The following PDE9A variants were observed in gnomAD, a reference collection of about 807,000 sequenced individuals.
The protein encoded by PDE9A is phosphodiesterase 9A, also known as high affinity cGMP-specific 3',5'-cyclic phosphodiesterase 9A.
Under a neutral mutation model 87.4 loss-of-function variants are expected in PDE9A, and 60 were observed. The observed-to-expected ratio is 0.69, with a 90% CI of 0.56 to 0.85. The LOEUF is 0.85. Among genes scored for constraint, PDE9A ranks in the 40% least tolerant of loss-of-function variants. The pLI, the probability that PDE9A is intolerant of heterozygous loss-of-function variation, is 0.00. For missense variants in PDE9A, 665 were observed against 779.0 expected (o/e 0.85, Z 1.74); for synonymous variants, 272 against 279.4 (o/e 0.97, Z 0.27).
At chr21:42,761,362 G>T (rs1403553845) in intron 13 of PDE9A, among the ~76,000 whole-genome samples, 1 of 152,248 alleles carries the variant, frequency 6.6e-6, no homozygotes, top group East Asian at 1.9e-4. Flanking sequence ...GGAGAAGAGG[G>T]ACTGCAGAGG....
rs572475990 is a variant in PDE9A, at chr21:42,716,001, A to T, written c.263-15769A>T. Among the ~76,000 whole-genome samples the T allele has an allele frequency of 4.6e-5, 7 of 151,970 alleles. No homozygotes were observed. The South Asian group carries it at 1.1e-3, about 23-fold the overall frequency. On this transcript the variant is annotated intron_variant, in intron 4 of 19. Transcript: ENST00000291539. Reference sequence around the variant, plus strand: ...ATGTCACATAGTTGGAGTCATACAGAATAAAGCCTCTTCAGGTTTTCTTTC... The same window carrying T: ...ATGTCACATAGTTGGAGTCATACAGTATAAAGCCTCTTCAGGTTTTCTTTC...
intron 1 of PDE9A, among the ~76,000 whole-genome samples, chr21:42,685,917 T>A (rs2146170052): frequency 6.6e-6 from 1 of 152,304 alleles, no homozygotes; most frequent in South Asian, 2.1e-4. Flanking sequence ...GGATGCGCCT[T>A]CACCATAACC....
chr21:42,667,347 G>A (rs1228659989), intron 1 of PDE9A, among the ~76,000 whole-genome samples: 1 of 152,188 alleles, frequency 6.6e-6, no homozygotes, highest in African/African-American at 2.4e-5. Context: ...AGGGAACAGG[G>A]TGCTGACGTG....
intron 1 of PDE9A, among the ~76,000 whole-genome samples, chr21:42,655,055 A>C (rs1004237543): frequency 1.3e-5 from 2 of 152,154 alleles, no homozygotes; most frequent in African/African-American, 4.8e-5. Context: ...TTCTCCCCAA[A>C]GGAAGGAGTG....
rs1042168011 is a variant in PDE9A at position 42,759,314 on chromosome 21, T to G, written c.897+229T>G. The stretch of plus-strand genomic sequence containing the variant: ...TACTCCTGCTCTGATAAGCAAGGAG[T>G]AGCTTATCAGTGAGACTCTGCCATC... On this transcript the variant is annotated intron_variant, in intron 11 of 19. Transcript: ENST00000291539. This position sits in a 1 kb window ranked among gnomAD's most constrained non-coding sequence, Gnocchi z 7.2. Among the ~76,000 whole-genome samples, 6 of 151,782 alleles carry G rather than the reference T, an allele frequency of 4.0e-5. No homozygotes were observed. The highest frequency in any genetic ancestry group is 3.9e-4 in the Admixed American group (6 of 15,246).
At chr21:42,734,178 C>G (rs2052137876) in intron 7 of PDE9A, 1 of 152,078 alleles carries the variant, frequency 6.6e-6, no homozygotes, top group African/African-American at 2.4e-5. Context: ...TCAGGTATCT[C>G]TTTATAGCAA....
At chr21:42,770,644 G>A (rs903303278) in intron 17 of PDE9A, 59 bp from the exon 18 acceptor site, 34 of 1,360,164 alleles carry the variant, frequency 2.5e-5, no homozygotes, top group Non-Finnish European at 3.2e-5. Flanking sequence ...GTTTTTCTCC[G>A]ACGTTTCCCA....
intron 4 of PDE9A, among the ~76,000 whole-genome samples, chr21:42,725,046 G>A (rs528702414): frequency 6.6e-6 from 1 of 152,266 alleles, no homozygotes; most frequent in East Asian, 1.9e-4. Flanking sequence ...GTTTCTCCCA[G>A]TGGTGACATC....
intron 4 of PDE9A, among the ~76,000 whole-genome samples, chr21:42,718,571 G>GT (rs942190082): frequency 3.3e-5 from 5 of 150,816 alleles, no homozygotes; most frequent in East Asian, 1.9e-4. Flanking sequence ...GATCCATGAA[G>GT]TTTTTTTTTG....
chr21:42,700,240 C>T (rs1001551495), intron 4 of PDE9A, among the ~76,000 whole-genome samples: 1 of 152,260 alleles, frequency 6.6e-6, no homozygotes, highest in East Asian at 1.9e-4. Context: ...TACCACAGGG[C>T]GTCTTCCATT....
chr21:42,749,378 A>G (rs1272293549), intron 8 of PDE9A, among the ~76,000 whole-genome samples: 4 of 152,110 alleles, frequency 2.6e-5, no homozygotes, highest in African/African-American at 9.7e-5. Flanking sequence ...CTTCCAAGCA[A>G]GTTCACACCC....
At chr21:42,684,582 A>G (rs1019119492) in intron 1 of PDE9A, among the ~76,000 whole-genome samples, 4 of 152,228 alleles carry the variant, frequency 2.6e-5, no homozygotes, top group Admixed American at 2.6e-4. Flanking sequence ...GAACCAGGAC[A>G]CAGGAGGAGA....
intron 7 of PDE9A, 55 bp from the exon 8 acceptor site, chr21:42,743,721 G>A: frequency 8.7e-7 from 1 of 1,144,986 alleles, no homozygotes; most frequent in South Asian, 1.3e-5. Flanking sequence ...AGCCTTGAGA[G>A]ATCCTCCACA....
At position 42,760,145 on chromosome 21, in the gene PDE9A, G is replaced by A. The variant is rs1045779679; in HGVS notation, c.898-183G>A. Among the ~76,000 whole-genome samples the A allele has an allele frequency of 6.6e-5, 10 of 152,100 alleles. No homozygotes were observed. The highest frequency in any genetic ancestry group is 2.1e-4 in the South Asian group (1 of 4,834). On this transcript the variant is annotated intron_variant, in intron 11 of 19. Coordinates refer to ENST00000291539, the MANE Select transcript of PDE9A (RefSeq NM_002606.3). The surrounding 1 kb of genome is among the most constrained non-coding windows in gnomAD (Gnocchi z 5.2). Reference sequence around the variant, plus strand: ...GGTGCCGTGGTGTGGCCCGCTGGACGTTCTCAGGGTCCCTGTGTCACCTCA... The same window carrying A: ...GGTGCCGTGGTGTGGCCCGCTGGACATTCTCAGGGTCCCTGTGTCACCTCA...
intron 8 of PDE9A, among the ~76,000 whole-genome samples, chr21:42,749,864 G>A (rs758562659): frequency 1.2e-4 from 18 of 152,248 alleles, no homozygotes; most frequent in South Asian, 2.1e-4. Flanking sequence ...GGGGCTGGGC[G>A]CAGTGGCTCA....
chr21:42,716,007 G>T (rs183451326), intron 4 of PDE9A, among the ~76,000 whole-genome samples: 70 of 151,784 alleles, frequency 4.6e-4, no homozygotes, highest in Middle Eastern at 3.4e-3. Flanking sequence ...ACAGAATAAA[G>T]CCTCTTCAGG....
intron 1 of PDE9A, among the ~76,000 whole-genome samples, chr21:42,663,301 A>G (rs897693096): frequency 1.3e-5 from 2 of 150,310 alleles, no homozygotes; most frequent in African/African-American, 4.9e-5. Flanking sequence ...TCACACACAT[A>G]CATACACACC....
rs2056752215 is a variant in PDE9A at position 42,769,485 on chromosome 21, TGCACACAAGGCAC to T, written c.1590+334_1590+346del. Among the ~76,000 whole-genome samples, 10 of 8,414 alleles carry T rather than the reference TGCACACAAGGCAC, an allele frequency of 1.2e-3. No individual in the cohort carries two copies. In the South Asian group the frequency reaches 0.03, roughly 25 times the overall value. The allele number at this position is 8,414 out of a possible 152,430, so 5.5% of individuals were successfully genotyped here. A position where few individuals can be genotyped will look rare whatever the true frequency, so the allele number is the denominator to read the frequency against. ...ACACAAATGTGCATGCAGGTACACATGCACACAAGGCACGCAGGTACACATGCACACAAGGCAC... is the reference window on the plus strand; with the variant it reads ...ACACAAATGTGCATGCAGGTACACATGCAGGTACACATGCACACAAGGCAC... On this transcript the variant is annotated intron_variant, in intron 17 of 19. Transcript: ENST00000291539.
rs1289046622 is a variant in PDE9A at position 42,722,858 on chromosome 21, T to C, written c.263-8912T>C. The stretch of plus-strand genomic sequence containing the variant: ...TAGCAATCAGTGAAATCAAATTTCA[T>C]GTCATTCTGCACTGGGTAGACTCAG... On this transcript the variant is annotated intron_variant, in intron 4 of 19. Coordinates refer to ENST00000291539, the MANE Select transcript of PDE9A (RefSeq NM_002606.3). The surrounding 1 kb of genome is among the most constrained non-coding windows in gnomAD (Gnocchi z 4.1). Among the ~76,000 whole-genome samples the C allele has an allele frequency of 6.6e-6, 1 of 152,250 alleles. No homozygotes were observed. Among genetic ancestry groups the C allele is most frequent in the Non-Finnish European group, 1.5e-5 (1 of 68,044 alleles).
Sources: gnomAD v4.1 joint callset for allele counts (sites outside exome capture counted in the v4.1 genomes callset) on GRCh38, gnomAD v4.1.1 for gene constraint, Gnocchi (gnomAD v3.1) non-coding constraint, MANE v1.5 for transcripts, NCBI Gene and HGNC (gene_info 2026-07-23, HGNC 2026-07-21) for gene names.